Variants in FTO observed in about 807,000 individuals in gnomAD.
FTO encodes the protein FTO alpha-ketoglutarate dependent dioxygenase, also known as alpha-ketoglutarate-dependent dioxygenase FTO.
A neutral mutation model predicts 63.9 loss-of-function variants in FTO; 47 were observed. The ratio of observed to expected loss-of-function variants is 0.74; its 90% CI spans 0.58 to 0.94. FTO has a LOEUF of 0.94. FTO is among the 40% of genes least tolerant of loss of function. The probability of loss-of-function intolerance (pLI) is 0.00; values close to 1 mark genes in which losing one functional copy is unlikely to be tolerated. For missense variants in FTO, 562 were observed against 618.1 expected (o/e 0.91, Z 0.96); for synonymous variants, 207 against 224.4 (o/e 0.92, Z 0.69).
chr16:53,721,294 C>CT lies in FTO; in HGVS notation c.45+17066dup, dbSNP rs367721645. ...TCTCATTTCCTCTGCAGAAGAGCGG[C>CT]TAGAGACATTATACTCTGTTCCCGA... On this transcript the variant is annotated intron_variant, in intron 1 of 8. Coordinates refer to ENST00000471389, the MANE Select transcript of FTO (RefSeq NM_001080432.3). 6.4e-3 allele frequency among the ~76,000 whole-genome samples: 973 copies of CT among 152,194 alleles called. 7 individuals are homozygous for CT. Among genetic ancestry groups the CT allele is most frequent in the Middle Eastern group, 0.01 (3 of 294 alleles).
rs538303924 is a variant in FTO at position 53,957,396 on chromosome 16, G to C, written c.1364+23287G>C. 3.9e-5 allele frequency among the ~76,000 whole-genome samples: 6 copies of C among 152,300 alleles called. No homozygotes were observed. In the East Asian group the frequency reaches 1.2e-3, roughly 29 times the overall value. ...TTTGAGATCTGAAACTGTCCTCTCT[G>C]AATTTCTTCATGGTTCATTGTAGAA... On this transcript the variant is annotated intron_variant, in intron 8 of 8. Transcript: ENST00000471389.
chr16:53,714,777 G>GT (rs2151473896), intron 1 of FTO, among the ~76,000 whole-genome samples: 1 of 152,234 alleles, frequency 6.6e-6, no homozygotes, highest in Admixed American at 6.5e-5. Context: ...CGATCCTTGT[G>GT]TTGGAACCAC....
intron 1 of FTO, among the ~76,000 whole-genome samples, chr16:53,782,827 T>G (rs143680920): frequency 1.5e-3 from 222 of 152,318 alleles, no homozygotes; most frequent in African/African-American, 5.1e-3. Flanking sequence ...GGCTTATTTA[T>G]GTACGAATGT....
intron 1 of FTO, among the ~76,000 whole-genome samples, chr16:53,726,248 A>G (rs767151100): frequency 1.5e-4 from 23 of 152,234 alleles, no homozygotes; most frequent in Admixed American, 1.3e-4. Context: ...ATTAAATAAA[A>G]TTCTATATAC....
chr16:53,884,357 G>T (rs1037740865), intron 6 of FTO, among the ~76,000 whole-genome samples: 10 of 152,126 alleles, frequency 6.6e-5, no homozygotes, highest in South Asian at 2.1e-4. Context: ...TGATGGTATT[G>T]TTTGGCTCTC....
chr16:53,886,734 G>T (rs904943138), intron 6 of FTO, among the ~76,000 whole-genome samples: 4 of 152,076 alleles, frequency 2.6e-5, no homozygotes, highest in African/African-American at 9.7e-5. Flanking sequence ...GTATTCTCAG[G>T]TTACTTATTT....
At chr16:54,032,151 C>T (rs2084848157) in intron 8 of FTO, among the ~76,000 whole-genome samples, 1 of 152,178 alleles carries the variant, frequency 6.6e-6, no homozygotes, top group South Asian at 2.1e-4. Context: ...GTTGTTCTTG[C>T]TTGAGGCAAA....
In FTO at chr16:53,760,229, TG is replaced by T. The variant is rs1567962751; in HGVS notation, c.46-49910del. On this transcript the variant is annotated intron_variant, in intron 1 of 8. Transcript: ENST00000471389. ...TGGTGTGTGTGTGTGTGTGTGTGTG[TG>T]TGTGTGTGTGTGTGTGTGTGTGTGT... is the stretch of plus-strand genomic sequence containing the variant. 6.2e-4 allele frequency among the ~76,000 whole-genome samples: 42 copies of T among 67,716 alleles called. 2 individuals carry two copies. The highest frequency in any genetic ancestry group is 8.4e-4 in the Non-Finnish European group (23 of 27,360). 44.4% of individuals were successfully genotyped at this position (67,716 alleles called of 152,430 possible). A position where few individuals can be genotyped will look rare whatever the true frequency, so the allele number is the denominator to read the frequency against.
chr16:53,973,547 G>A (rs2083376121), intron 8 of FTO, among the ~76,000 whole-genome samples: 1 of 152,168 alleles, frequency 6.6e-6, no homozygotes, highest in Non-Finnish European at 1.5e-5. Flanking sequence ...CTAGTTTTGA[G>A]GATAGTGTTA....
chr16:54,037,590 A>T (rs2084970710), intron 8 of FTO, among the ~76,000 whole-genome samples: 1 of 152,162 alleles, frequency 6.6e-6, no homozygotes, highest in African/African-American at 2.4e-5. Flanking sequence ...GCCATCTCAC[A>T]GTTGTGCGTA....
chr16:53,853,147 G>A lies in FTO; in HGVS notation c.895+8849G>A, dbSNP rs190030762. ...ATCTCTACTAAAAATACAAAAATTA[G>A]CCAGGTGTCGTGGCAGGCACCCGTA... On this transcript the variant is annotated intron_variant, in intron 4 of 8. Transcript: ENST00000471389. 1.4e-4 allele frequency among the ~76,000 whole-genome samples: 21 copies of A among 152,220 alleles called. No homozygotes were observed. The East Asian group carries it at 3.7e-3, about 27-fold the overall frequency.
rs1289134775 is a variant in FTO, at chr16:54,044,439, A to G, written c.1365-67323A>G. Among the ~76,000 whole-genome samples the G allele has an allele frequency of 8.2e-4, 6 of 7,296 alleles. No homozygotes were observed. In the South Asian group the frequency reaches 0.015, roughly 18 times the overall value. The allele number at this position is 7,296 out of a possible 152,430, so 4.8% of individuals were successfully genotyped here. On this transcript the variant is annotated intron_variant, in intron 8 of 8. Transcript: ENST00000471389. ...TAAATATTTATGCACCCAATACAGG[A>G]GCACCCAGATTCATAAAGCAAGTCC...
chr16:53,942,400 C>T (rs534100523), intron 8 of FTO, among the ~76,000 whole-genome samples: 3 of 152,168 alleles, frequency 2.0e-5, no homozygotes, highest in Non-Finnish European at 2.9e-5. Flanking sequence ...GACATGGTCT[C>T]CTCCCTGAGC....
intron 1 of FTO, 131 bp from the exon 2 acceptor site, chr16:53,810,009 T>G (rs1181867580): frequency 1.6e-6 from 1 of 618,244 alleles, no homozygotes; most frequent in African/African-American, 1.9e-5. Flanking sequence ...TTTGACTAAT[T>G]TCTATCTCTA....
intron 8 of FTO, chr16:53,991,467 CT>C (rs1379949156): frequency 1.3e-5 from 2 of 152,144 alleles, no homozygotes; most frequent in African/African-American, 4.8e-5. Flanking sequence ...GGTTGATTTA[CT>C]GTGTTACACG....
chr16:53,927,777 C>T (rs904359982), intron 7 of FTO, among the ~76,000 whole-genome samples: 2 of 152,078 alleles, frequency 1.3e-5, no homozygotes, highest in East Asian at 1.9e-4. Context: ...AAAATAAAAC[C>T]CACCCTCAAA....
At chr16:54,077,232 A>T (rs539853265) in intron 8 of FTO, among the ~76,000 whole-genome samples, 1 of 152,252 alleles carries the variant, frequency 6.6e-6, no homozygotes, top group Admixed American at 6.5e-5. Context: ...ATGTGATTTT[A>T]TTGACAGCTC....
chr16:53,732,989 A>G (rs1003805825), intron 1 of FTO, among the ~76,000 whole-genome samples: 2 of 152,230 alleles, frequency 1.3e-5, no homozygotes, highest in Non-Finnish European at 2.9e-5. Context: ...GTAGCCATCT[A>G]TTGGCAGAGC....
At chr16:53,704,660 A>G (rs1971895714) in intron 1 of FTO, among the ~76,000 whole-genome samples, 1 of 152,172 alleles carries the variant, frequency 6.6e-6, no homozygotes, top group African/African-American at 2.4e-5. Flanking sequence ...TGACCGGCTG[A>G]TAACAGTTTG....
Sources: allele counts gnomAD v4.1 joint callset (sites outside exome capture counted in the v4.1 genomes callset), GRCh38; gene constraint gnomAD v4.1.1; transcripts MANE v1.5; gene names NCBI Gene and HGNC (gene_info 2026-07-23, HGNC 2026-07-21).